Variants in CNGB3 observed in about 807,000 individuals in gnomAD.
CNGB3 encodes cyclic nucleotide gated channel subunit beta 3, also known as cyclic nucleotide-gated channel beta-3.
A neutral mutation model predicts 92.8 loss-of-function variants in CNGB3; 86 were observed. The observed-to-expected ratio is 0.93, with a 90% confidence interval of 0.78 to 1.11. CNGB3 has a LOEUF of 1.11. CNGB3 is among the 50% of genes least tolerant of loss of function. CNGB3 has a pLI of 0.00. For missense variants in CNGB3, 1,026 were observed against 956.8 expected, an observed-to-expected ratio of 1.07 and a Z score of -0.95; for synonymous variants, 333 against 332.7, an observed-to-expected ratio of 1.00 and a Z score of -0.01.
chr8:86,653,238 C>T (rs1020055650), intron 7 of CNGB3, among the ~76,000 whole-genome samples: 2 of 151,844 alleles, frequency 1.3e-5, no homozygotes, highest in African/African-American at 4.8e-5. Context: ...AGTATTTATC[C>T]TCTTTGTAGA....
chr8:86,622,477 T>G (rs960180493), intron 13 of CNGB3, among the ~76,000 whole-genome samples: 2 of 152,070 alleles, frequency 1.3e-5, no homozygotes, highest in Non-Finnish European at 2.9e-5. Context: ...TATACACTTA[T>G]GTACCTTCCC....
intron 13 of CNGB3, among the ~76,000 whole-genome samples, chr8:86,614,246 C>T (rs1276777130): frequency 6.6e-6 from 1 of 152,054 alleles, no homozygotes; most frequent in Non-Finnish European, 1.5e-5. Flanking sequence ...CTCTATGGTA[C>T]AGCTGGATGC....
chr8:86,614,142 C>T lies in CNGB3; in HGVS notation c.1579-2471G>A, dbSNP rs1348430593. On this transcript the variant is annotated intron_variant, in intron 13 of 17. Coordinates refer to ENST00000320005, the MANE Select transcript of CNGB3 (RefSeq NM_019098.5). ...CATACTGGAAGTGGGATCAGTCACACTTGACAAGGTTTCCAGTTCTCTACC... is the reference window on the plus strand; with the variant it reads ...CATACTGGAAGTGGGATCAGTCACATTTGACAAGGTTTCCAGTTCTCTACC... Among the ~76,000 whole-genome samples the T allele has an allele frequency of 3.9e-5, 6 of 151,914 alleles. No individual in the cohort carries two copies. In the East Asian group the frequency reaches 1.2e-3, roughly 29 times the overall value.
In CNGB3 at chr8:86,575,932, G is replaced by C; in HGVS notation, c.2302C>G (p.His768Asp). 6.2e-7 allele frequency: 1 copy of C among 1,614,042 alleles called. No homozygotes were observed. The highest frequency in any genetic ancestry group is 1.7e-5 in the Admixed American group (1 of 60,006). The change falls in exon 18 of 18, where the codon CAC becomes GAC. Residue 768 changes from histidine to aspartate, a missense_variant. Transcript: ENST00000320005. ...GGTAAAACTGTCCTTCTAACTGAGT[G>C]GGGTTCTTCCTCCACTGCAATAGGA... ...ASPIAVEEEP[H>D]SVRRTVLPRG...
intron 2 of CNGB3, among the ~76,000 whole-genome samples, chr8:86,735,922 G>C (rs559497089): frequency 3.9e-5 from 6 of 152,018 alleles, no homozygotes; most frequent in Non-Finnish European, 8.8e-5. Flanking sequence ...TCACTTAAAA[G>C]TATCGTAAAC....
rs190868392 is a variant in CNGB3, at chr8:86,704,660, G to A, written c.338+21871C>T. ...CAAGGGACACTGAGACAATGTCAAG[G>A]GCACTGTAGCAGTCATGTTTCAAGC... On this transcript the variant is annotated intron_variant, in intron 3 of 17. Transcript: ENST00000320005. Among the ~76,000 whole-genome samples the A allele has an allele frequency of 1.6e-3, 242 of 152,202 alleles. 1 individual carries two copies. The highest frequency in any genetic ancestry group is 5.7e-3 in the African/African-American group (238 of 41,526).
At chr8:86,624,845 G>T (rs1007728942) in intron 13 of CNGB3, among the ~76,000 whole-genome samples, 3 of 152,158 alleles carry the variant, frequency 2.0e-5, no homozygotes, top group African/African-American at 7.2e-5. Flanking sequence ...CTGGTGGGAG[G>T]TGATTAAATC....
chr8:86,654,425 A>G (rs977649544), intron 6 of CNGB3, among the ~76,000 whole-genome samples: 1 of 152,148 alleles, frequency 6.6e-6, no homozygotes, highest in Non-Finnish European at 1.5e-5. Flanking sequence ...GATCATGCCC[A>G]GGATATCCTT....
intron 3 of CNGB3, among the ~76,000 whole-genome samples, chr8:86,700,199 A>G (rs1824527701): frequency 1.3e-5 from 2 of 152,210 alleles, no homozygotes; most frequent in African/African-American, 4.8e-5. Flanking sequence ...TAACTAATGC[A>G]TACATCTGAA....
rs191442747 is a variant in CNGB3 at position 86,742,687 on chromosome 8, C to G, written c.129+812G>C. ...CACGAAAATTATTCTGTGGATAGTT[C>G]TAAGTAAATATTGCTCTTGTAATGA... On this transcript the variant is annotated intron_variant, in intron 1 of 17. Coordinates refer to ENST00000320005, the MANE Select transcript of CNGB3 (RefSeq NM_019098.5). 1.6e-4 allele frequency among the ~76,000 whole-genome samples: 25 copies of G among 152,226 alleles called. No individual in the cohort carries two copies. In the East Asian group the frequency reaches 3.1e-3, roughly 19 times the overall value.
intron 15 of CNGB3, among the ~76,000 whole-genome samples, chr8:86,595,376 T>G (rs932133983): frequency 6.6e-6 from 1 of 152,224 alleles, no homozygotes; most frequent in African/African-American, 2.4e-5. Context: ...TGGATAAAGT[T>G]ACTTTAGGAG....
At chr8:86,627,816 C>T (rs983872868) in intron 12 of CNGB3, among the ~76,000 whole-genome samples, 2 of 152,100 alleles carry the variant, frequency 1.3e-5, no homozygotes, top group Non-Finnish European at 2.9e-5. Context: ...GTACAGTTGA[C>T]CCTTGAACAA....
chr8:86,706,737 T>G (rs1824659379), intron 3 of CNGB3, among the ~76,000 whole-genome samples: 3 of 152,210 alleles, frequency 2.0e-5, no homozygotes, highest in African/African-American at 7.2e-5. Flanking sequence ...CTGATTACAG[T>G]GCTTTCTCCA....
rs187333002 is a variant in CNGB3 at position 86,715,941 on chromosome 8, A to G, written c.338+10590T>C. 5.0e-3 allele frequency among the ~76,000 whole-genome samples: 758 copies of G among 151,948 alleles called. 4 individuals carry two copies. Among genetic ancestry groups the G allele is most frequent in the African/African-American group, 0.017 (717 of 41,482 alleles). Reference sequence around the variant, plus strand: ...GTATACATATGTAACTAACCTGCACATTGTGCACATGTACCCTAAAACTTA... The same window carrying G: ...GTATACATATGTAACTAACCTGCACGTTGTGCACATGTACCCTAAAACTTA... On this transcript the variant is annotated intron_variant, in intron 3 of 17. Transcript: ENST00000320005.
chr8:86,576,442 TG>T (rs1193162051), intron 17 of CNGB3, among the ~76,000 whole-genome samples: 3 of 152,216 alleles, frequency 2.0e-5, no homozygotes, highest in Non-Finnish European at 4.4e-5. Context: ...ACTCTGTTTT[TG>T]CTTTTTAAAT....
intron 6 of CNGB3, chr8:86,659,736 C>T: frequency 2.7e-6 from 1 of 370,256 alleles, no homozygotes; most frequent in South Asian, 2.2e-5. Context: ...ACATGAGGAT[C>T]CCTATGGTCT....
chr8:86,596,011 A>C (rs182539276), intron 15 of CNGB3, among the ~76,000 whole-genome samples: 232 of 152,312 alleles, frequency 1.5e-3, no homozygotes, highest in Admixed American at 2.9e-3. Flanking sequence ...AGAATATATC[A>C]ATGCCTGAAT....
chr8:86,707,430 ACAT>A (rs1392920075), intron 3 of CNGB3: 3 of 152,366 alleles, frequency 2.0e-5, no homozygotes, highest in African/African-American at 7.2e-5. Context: ...CAGGAAAATA[ACAT>A]TTGAGCAGAG....
At chr8:86,656,750 A>G (rs980090645) in intron 6 of CNGB3, among the ~76,000 whole-genome samples, 2 of 152,084 alleles carry the variant, frequency 1.3e-5, no homozygotes, top group Non-Finnish European at 2.9e-5. Flanking sequence ...GGCTAAATCC[A>G]TTTATTCCAA....
Sources: allele counts gnomAD v4.1 joint callset (sites outside exome capture counted in the v4.1 genomes callset), GRCh38; gene constraint gnomAD v4.1.1; transcripts MANE v1.5; gene names NCBI Gene and HGNC (gene_info 2026-07-23, HGNC 2026-07-21).